Variants in SEC31A observed in about 807,000 individuals in gnomAD.
The protein encoded by SEC31A is SEC31 homolog A, COPII component.
In SEC31A, 70 loss-of-function variants were observed where a neutral mutation model predicts 151.0. The observed-to-expected ratio is 0.46, with a 90% confidence interval of 0.38 to 0.57. The LOEUF (loss-of-function observed/expected upper bound fraction) is 0.57, where lower values mean the gene tolerates loss of function less well. Ranked by LOEUF, SEC31A falls within the 20% of genes least tolerant of loss-of-function variation. The pLI, the probability that SEC31A is intolerant of heterozygous loss-of-function variation, is 0.00. For synonymous variants in SEC31A, 475 were observed against 505.9 expected (o/e 0.94, Z 0.82); for missense variants, 1,330 against 1,471.2 (o/e 0.90, Z 1.57).
At chr4:82,869,674 T>G (rs1736230391) in intron 8 of SEC31A, among the ~76,000 whole-genome samples, 1 of 152,134 alleles carries the variant, frequency 6.6e-6, no homozygotes, top group Non-Finnish European at 1.5e-5. Flanking sequence ...TTCTCTTGTC[T>G]CCCCTAATGT....
In SEC31A at chr4:82,862,085, G is replaced by A. The variant is rs1479821884; in HGVS notation, c.1549-377C>T. On this transcript the variant is annotated intron_variant, in intron 13 of 26. Transcript: ENST00000395310. ...GTGCCACCACGCCCAGCTAATTTTT[G>A]TATTTTTAGTAGAGACAGGGTTTCA... 2.0e-5 allele frequency among the ~76,000 whole-genome samples: 3 copies of A among 151,186 alleles called. No homozygotes were observed. The South Asian group carries it at 6.3e-4, about 32-fold the overall frequency.
At chr4:82,845,151 A>G in intron 20 of SEC31A, 1 of 1,212,568 alleles carries the variant, frequency 8.2e-7, no homozygotes, top group Non-Finnish European at 1.2e-6. Context: ...ATATAACTGT[A>G]TATTTAGGTG....
chr4:82,877,036 G>A (rs1255446708), intron 4 of SEC31A, among the ~76,000 whole-genome samples: 1 of 151,924 alleles, frequency 6.6e-6, no homozygotes, highest in African/African-American at 2.4e-5. Context: ...CCAGGAGTTT[G>A]GGACCAGCTT....
chr4:82,839,041 G>A (rs1238551453), intron 22 of SEC31A, among the ~76,000 whole-genome samples: 7 of 152,198 alleles, frequency 4.6e-5, no homozygotes, highest in African/African-American at 7.2e-5. Flanking sequence ...GCAGTGGCAC[G>A]ATCTCAGCTC....
chr4:82,866,475 AC>A (rs1470045150), intron 10 of SEC31A, among the ~76,000 whole-genome samples: 1 of 150,862 alleles, frequency 6.6e-6, no homozygotes, highest in Non-Finnish European at 1.5e-5. Flanking sequence ...TCTCAAAAAA[AC>A]AAACAAACAA....
intron 23 of SEC31A, among the ~76,000 whole-genome samples, chr4:82,827,901 C>T (rs1242760482): frequency 3.3e-5 from 5 of 150,480 alleles, no homozygotes; most frequent in Admixed American, 6.6e-5. Context: ...CCCAATAAAG[C>T]GGAGCTAAAA....
chr4:82,875,982 A>G, intron 4 of SEC31A, 160 bp from the exon 5 acceptor site: 1 of 424,850 alleles, frequency 2.4e-6, no homozygotes, highest in Non-Finnish European at 4.2e-6. Flanking sequence ...ATTATGCATA[A>G]TTCTTTCAAA....
intron 22 of SEC31A, 45 bp from the exon 23 acceptor site, chr4:82,829,103 GA>G (rs751770104): frequency 3.2e-5 from 48 of 1,492,822 alleles, no homozygotes; most frequent in Non-Finnish European, 3.4e-5. Context: ...ATCCTGAAAG[GA>G]AAAAAAATAA....
At position 82,872,227 on chromosome 4, in the gene SEC31A, A is replaced by G. The variant is rs552095339; in HGVS notation, c.640-141T>C. The G allele has an allele frequency of 3.3e-5, 23 of 697,520 alleles. No individual in the cohort carries two copies. In the African/African-American group the frequency reaches 4.1e-4, roughly 12 times the overall value. 43.2% of individuals were successfully genotyped at this position (697,520 alleles called of 1,614,324 possible). Reference sequence around the variant, plus strand: ...TTTTATTTATGATCTATTTATTGTCAGCCAGGCTGGAGTGCAGTAGCGCCA... The same window carrying G: ...TTTTATTTATGATCTATTTATTGTCGGCCAGGCTGGAGTGCAGTAGCGCCA... On this transcript the variant is annotated intron_variant, in intron 6 of 26. Coordinates refer to ENST00000395310, the MANE Select transcript of SEC31A (RefSeq NM_001077207.4).
In SEC31A at chr4:82,854,298, G is replaced by A. The variant is rs562790904; in HGVS notation, c.2009-583C>T. Among the ~76,000 whole-genome samples the A allele has an allele frequency of 3.2e-4, 48 of 151,126 alleles. No individual in the cohort carries two copies. In the South Asian group the frequency reaches 9.4e-3, roughly 30 times the overall value. ...GAATCACTTGAACGCAGGGGGTGGA[G>A]GTTGCAGTGAGCCAAGATTGTGCCA... On this transcript the variant is annotated intron_variant, in intron 17 of 26. Transcript: ENST00000395310.
intron 21 of SEC31A, 71 bp downstream of exon 21, chr4:82,844,315 G>C (rs1298540229): frequency 6.7e-7 from 1 of 1,491,470 alleles, no homozygotes; most frequent in East Asian, 2.3e-5. Context: ...TGACTTTGGG[G>C]CTTCAAAGTA....
At chr4:82,841,922 A>C (rs1251151535) in intron 22 of SEC31A, among the ~76,000 whole-genome samples, 1 of 151,942 alleles carries the variant, frequency 6.6e-6, no homozygotes, top group East Asian at 1.9e-4. Flanking sequence ...CAGTAAGCCG[A>C]GAGTGCACCA....
intron 18 of SEC31A, 90 bp from the exon 19 acceptor site, chr4:82,851,694 A>G: frequency 8.9e-7 from 1 of 1,123,346 alleles, no homozygotes; most frequent in Non-Finnish European, 1.3e-6. Flanking sequence ...AGATTTCTAA[A>G]ACCCACTAAA....
At chr4:82,838,245 T>C (rs760859937) in intron 22 of SEC31A, among the ~76,000 whole-genome samples, 1 of 152,208 alleles carries the variant, frequency 6.6e-6, no homozygotes, top group Non-Finnish European at 1.5e-5. Context: ...ACAGTATTAT[T>C]CCCCTTCAAG....
At chr4:82,898,424 C>A (rs776320085) in intron 3 of SEC31A, among the ~76,000 whole-genome samples, 4 of 152,172 alleles carry the variant, frequency 2.6e-5, no homozygotes, top group Non-Finnish European at 4.4e-5. Flanking sequence ...AGAGCAGTGA[C>A]CCCTTGCGGC....
intron 3 of SEC31A, 64 bp downstream of exon 3, chr4:82,880,734 CA>C: frequency 7.4e-7 from 1 of 1,359,514 alleles, no homozygotes; most frequent in Non-Finnish European, 1.0e-6. Context: ...TAATTATAGA[CA>C]AATTAGGAAT....
intron 22 of SEC31A, chr4:82,831,040 T>C (rs890165342): frequency 1.2e-5 from 7 of 580,038 alleles, no homozygotes; most frequent in African/African-American, 2.0e-5. Context: ...TTTACTCATT[T>C]TATAATTGTT....
At chr4:82,850,913 A>G (rs766711738) in intron 19 of SEC31A, among the ~76,000 whole-genome samples, 4 of 152,210 alleles carry the variant, frequency 2.6e-5, no homozygotes, top group Admixed American at 6.5e-5. Flanking sequence ...ATTGTGCAAT[A>G]AGTAAGGACA....
intron 5 of SEC31A, 69 bp from the exon 6 acceptor site, chr4:82,874,820 G>T: frequency 6.5e-7 from 1 of 1,537,244 alleles, no homozygotes; most frequent in Non-Finnish European, 8.7e-7. Context: ...CTGTAAAATT[G>T]GATCCTTCAT....
Sources: allele counts gnomAD v4.1 joint callset (sites outside exome capture counted in the v4.1 genomes callset), GRCh38; gene constraint gnomAD v4.1.1; transcripts MANE v1.5; gene names NCBI Gene and HGNC (gene_info 2026-07-23, HGNC 2026-07-21).